Variants in MYOF observed in about 807,000 individuals in gnomAD.
MYOF encodes the protein myoferlin.
MYOF carries 244 observed loss-of-function variants against 284.2 expected under a neutral mutation model. The observed-to-expected ratio is 0.86, with a 90% CI of 0.77 to 0.95. The LOEUF (loss-of-function observed/expected upper bound fraction) is 0.95, where lower values mean the gene tolerates loss of function less well. Ranked by LOEUF, MYOF falls within the 40% of genes least tolerant of loss-of-function variation. The probability of loss-of-function intolerance (pLI) is 0.00; values close to 1 mark genes in which losing one functional copy is unlikely to be tolerated. For synonymous variants in MYOF, 904 were observed against 919.7 expected (o/e 0.98, Z 0.31); for missense variants, 2,496 against 2,560.6 (o/e 0.97, Z 0.54).
intron 5 of MYOF, among the ~76,000 whole-genome samples, chr10:93,412,918 AC>A (rs1847964615): frequency 6.6e-6 from 1 of 152,014 alleles, no homozygotes; most frequent in Non-Finnish European, 1.5e-5. Flanking sequence ...CCCTCGGTAA[AC>A]CTGTCCTGGA....
chr10:93,409,788 A>G (rs1258425533), intron 5 of MYOF, 49 bp from the exon 6 acceptor site: 4 of 1,597,022 alleles, frequency 2.5e-6, no homozygotes, highest in Non-Finnish European at 3.4e-6. Context: ...TATCCTGTAA[A>G]TGTCCAAAGG....
intron 1 of MYOF, among the ~76,000 whole-genome samples, chr10:93,466,500 T>C (rs2057011453): frequency 6.6e-6 from 1 of 152,046 alleles, no homozygotes; most frequent in Non-Finnish European, 1.5e-5. Flanking sequence ...TGAAGTCCAG[T>C]CCATTTGAAT....
intron 5 of MYOF, among the ~76,000 whole-genome samples, chr10:93,419,385 A>T (rs935934609): frequency 1.3e-5 from 2 of 150,888 alleles, no homozygotes; most frequent in African/African-American, 4.9e-5. Context: ...CTGGTCTCGA[A>T]CTCCTGACCT....
intron 43 of MYOF, 44 bp downstream of exon 43, chr10:93,333,177 G>A (rs369373647): frequency 8.2e-5 from 123 of 1,498,980 alleles, no homozygotes; most frequent in Middle Eastern, 1.7e-4. Flanking sequence ...TGCATGTTCC[G>A]TGGAGAAATG....
rs572212231 is a variant in MYOF at position 93,347,664 on chromosome 10, C to T, written c.4202G>A (p.Arg1401His). The T allele has an allele frequency of 5.0e-6, 8 of 1,613,790 alleles. No individual in the cohort carries two copies. Among genetic ancestry groups the T allele is most frequent in the African/African-American group, 2.7e-5 (2 of 74,856 alleles). ...QCTIERLDRF[R>H]CDPYAGKEDI... Reference sequence around the variant, plus strand: ...CTCTTTCCCTGCATAAGGGTCACAGCGAAAGCGGTCCAGGCGCTCGATGGT... The same window carrying T: ...CTCTTTCCCTGCATAAGGGTCACAGTGAAAGCGGTCCAGGCGCTCGATGGT... Residue 1401 changes from arginine to histidine, a missense_variant, in exon 37 of 54, where the codon CGC becomes CAC. Around this residue, in one of 3 missense-constraint regions of MYOF, gnomAD observed 2,436 missense variants for 2,480.7 expected, o/e 0.98. Coordinates refer to ENST00000359263, the MANE Select transcript of MYOF (RefSeq NM_013451.4).
At chr10:93,431,746 C>CTTTTTT (rs35400002) in intron 3 of MYOF, among the ~76,000 whole-genome samples, 2 of 131,800 alleles carry the variant, frequency 1.5e-5, no homozygotes, top group Non-Finnish European at 3.2e-5. Context: ...TCTTTCTTTT[C>CTTTTTT]TTTTTTTTTT....
intron 5 of MYOF, 33 bp downstream of exon 5, chr10:93,426,038 G>C: frequency 6.5e-7 from 1 of 1,544,198 alleles, no homozygotes; most frequent in South Asian, 1.2e-5. Flanking sequence ...CCTCCCCCTG[G>C]GGGTGGCTGG....
At chr10:93,354,538 G>A (rs886222932) in intron 31 of MYOF, among the ~76,000 whole-genome samples, 3 of 152,040 alleles carry the variant, frequency 2.0e-5, no homozygotes, top group African/African-American at 7.2e-5. Flanking sequence ...CTATAGAAAC[G>A]GGGCTTTCTA....
intron 43 of MYOF, among the ~76,000 whole-genome samples, chr10:93,332,570 T>G (rs1843364879): frequency 6.8e-6 from 1 of 147,594 alleles, no homozygotes; most frequent in East Asian, 2.2e-4. Flanking sequence ...TCTCAGCCTG[T>G]CGCGGTGGCT....
intron 5 of MYOF, among the ~76,000 whole-genome samples, chr10:93,423,756 C>T (rs1848456911): frequency 6.6e-6 from 1 of 151,424 alleles, no homozygotes; most frequent in South Asian, 2.1e-4. Flanking sequence ...TGGCGTGAAC[C>T]CTGGAGGCGG....
Position 93,366,379 on chromosome 10 carries a change from A to T in MYOF, c.2753+13T>A. On this transcript the variant is annotated intron_variant, in intron 26 of 53. Transcript: ENST00000359263. ...CATTGCTATCCTTTTTACTCAGAAAATGGACAACTTACCTTCTTTCAGGAT... is the reference window on the plus strand; with the variant it reads ...CATTGCTATCCTTTTTACTCAGAAATTGGACAACTTACCTTCTTTCAGGAT... The T allele has an allele frequency of 1.9e-6, 3 of 1,608,106 alleles. No homozygotes were observed. Among genetic ancestry groups the T allele is most frequent in the Non-Finnish European group, 2.5e-6 (3 of 1,178,656 alleles).
intron 7 of MYOF, among the ~76,000 whole-genome samples, chr10:93,406,865 G>C (rs1428078889): frequency 6.6e-6 from 1 of 152,000 alleles, no homozygotes; most frequent in Non-Finnish European, 1.5e-5. Flanking sequence ...AAGGACAAAC[G>C]CCAGAGCTGG....
At chr10:93,451,573 A>G (rs1477434995) in intron 3 of MYOF, among the ~76,000 whole-genome samples, 1 of 152,096 alleles carries the variant, frequency 6.6e-6, no homozygotes, top group Non-Finnish European at 1.5e-5. Flanking sequence ...CAGTAAGGCA[A>G]GGATTAAGGT....
intron 32 of MYOF, among the ~76,000 whole-genome samples, chr10:93,353,462 A>G (rs1844625405): frequency 6.6e-6 from 1 of 152,128 alleles, no homozygotes; most frequent in Non-Finnish European, 1.5e-5. Flanking sequence ...AAAAAAACTT[A>G]AAGGATCTTA....
At chr10:93,401,310 A>G in intron 12 of MYOF, 108 bp downstream of exon 12, 1 of 1,468,380 alleles carries the variant, frequency 6.8e-7, no homozygotes, top group Non-Finnish European at 9.1e-7. Context: ...GCCCTTTCAG[A>G]AGAAAAACAT....
At chr10:93,432,750 T>C (rs191019875) in intron 3 of MYOF, among the ~76,000 whole-genome samples, 108 of 152,312 alleles carry the variant, frequency 7.1e-4, no homozygotes, top group Middle Eastern at 6.8e-3. Flanking sequence ...GGTACAGAAG[T>C]ACCCTCATGT....
intron 50 of MYOF, 119 bp from the exon 51 acceptor site, chr10:93,313,329 G>C (rs1349044958): frequency 1.1e-6 from 1 of 932,070 alleles, no homozygotes; most frequent in East Asian, 2.6e-5. Context: ...CAGGTAAATG[G>C]TGAGTTAGAG....
chr10:93,399,029 T>TGGG (rs67935510), intron 13 of MYOF, among the ~76,000 whole-genome samples: 1,657 of 150,548 alleles, frequency 0.011, 18 homozygotes, highest in Middle Eastern at 0.017. Context: ...AACAGGGCAC[T>TGGG]GGGGGGGGGT....
At chr10:93,365,877 T>G (rs950931902) in intron 26 of MYOF, among the ~76,000 whole-genome samples, 1 of 152,216 alleles carries the variant, frequency 6.6e-6, no homozygotes, top group African/African-American at 2.4e-5. Flanking sequence ...TATAACTCAA[T>G]CCACTGTGTG....
Sources: allele counts gnomAD v4.1 joint callset (sites outside exome capture counted in the v4.1 genomes callset), GRCh38; gene constraint gnomAD v4.1.1; regional missense constraint gnomAD v4.1.1; transcripts MANE v1.5; gene names NCBI Gene and HGNC (gene_info 2026-07-23, HGNC 2026-07-21).